The following SORCS2 variants were observed in gnomAD, a reference collection of about 807,000 sequenced individuals.
The protein encoded by SORCS2 is sortilin related VPS10 domain containing receptor 2, also known as VPS10 domain-containing receptor SorCS2.
SORCS2 carries 100 observed loss-of-function variants against 141.6 expected under a neutral mutation model. The observed-to-expected ratio is 0.71, with a 90% CI of 0.60 to 0.83. The LOEUF is 0.83. Among genes scored for constraint, SORCS2 ranks in the 40% least tolerant of loss-of-function variants. The pLI, the probability that SORCS2 is intolerant of heterozygous loss-of-function variation, is 0.00. For synonymous variants in SORCS2, 789 were observed against 676.9 expected (o/e 1.17, Z -2.57); for missense variants, 1,646 against 1,560.2 (o/e 1.05, Z -0.93).
chr4:7,387,821 GATACACATGCACATAC>G (rs1723534138), intron 1 of SORCS2, among the ~76,000 whole-genome samples: 1 of 106,840 alleles, frequency 9.4e-6, no homozygotes, highest in Non-Finnish European at 2.1e-5. Flanking sequence ...CAGATACAGA[GATACACATGCACATAC>G]ATACACATGC....
intron 1 of SORCS2, among the ~76,000 whole-genome samples, chr4:7,304,154 A>T (rs1233437653): frequency 1.3e-5 from 2 of 152,256 alleles, no homozygotes; most frequent in Non-Finnish European, 2.9e-5. Flanking sequence ...AGCAAAGAGC[A>T]AAAGACCAAA....
At chr4:7,521,874 G>A (rs891495968) in intron 2 of SORCS2, among the ~76,000 whole-genome samples, 19 of 152,224 alleles carry the variant, frequency 1.2e-4, no homozygotes, top group African/African-American at 4.1e-4. Context: ...ACTCAGCCTC[G>A]CAGCTGTTAG....
At chr4:7,209,368 G>A (rs1238794570) in intron 1 of SORCS2, among the ~76,000 whole-genome samples, 1 of 152,198 alleles carries the variant, frequency 6.6e-6, no homozygotes, top group Non-Finnish European at 1.5e-5. Flanking sequence ...GGATGGCCTG[G>A]CCCATTCTGG....
chr4:7,269,983 G>A (rs1165493091), intron 1 of SORCS2, among the ~76,000 whole-genome samples: 1 of 152,200 alleles, frequency 6.6e-6, no homozygotes, highest in Non-Finnish European at 1.5e-5. Flanking sequence ...GGGGTCAAGC[G>A]ATTTTCCTGC....
chr4:7,419,197 G>A lies in SORCS2; in HGVS notation c.548+22842G>A, dbSNP rs748530980. On this transcript the variant is annotated intron_variant, in intron 2 of 26. Transcript: ENST00000507866. ...CCATTTTTTTCAACAGAGGTATTTG[G>A]TTTGGAGAAGAGAAGGTATGAGGCT... is the stretch of plus-strand genomic sequence containing the variant. 8.4e-4 allele frequency among the ~76,000 whole-genome samples: 128 copies of A among 152,212 alleles called. 2 individuals are homozygous for A. Among genetic ancestry groups the A allele is most frequent in the Non-Finnish European group, 2.6e-4 (18 of 68,036 alleles).
intron 1 of SORCS2, among the ~76,000 whole-genome samples, chr4:7,199,443 G>A (rs898800495): frequency 2.6e-5 from 4 of 152,170 alleles, no homozygotes; most frequent in Non-Finnish European, 5.9e-5. Flanking sequence ...GAGCAGCAGA[G>A]ATCTCTGAGG....
intron 2 of SORCS2, chr4:7,433,460 T>G (rs1167850925): frequency 1.9e-6 from 3 of 1,564,344 alleles, no homozygotes; most frequent in Non-Finnish European, 2.6e-6. Context: ...AGCAGTGGGG[T>G]CCTGGGGCCG....
intron 25 of SORCS2, among the ~76,000 whole-genome samples, chr4:7,735,699 C>A (rs1256687658): frequency 1.3e-5 from 2 of 152,200 alleles, no homozygotes; most frequent in African/African-American, 4.8e-5. Flanking sequence ...ACAGGTCTAT[C>A]CAGGGGTTCC....
intron 24 of SORCS2, 124 bp from the exon 25 acceptor site, chr4:7,734,148 G>A (rs952670598): frequency 1.5e-6 from 1 of 660,420 alleles, no homozygotes; most frequent in Non-Finnish European, 2.6e-6. Context: ...GGACAGGCAG[G>A]GGACAAGCTG....
Position 7,733,381 on chromosome 4 carries a change from C to A in SORCS2, c.3168C>A (p.Gly1056=). Residue 1056 remains glycine, a synonymous_variant, in exon 24 of 27, where the codon GGC becomes GGA. Transcript: ENST00000507866. ...AGAAGATCAGCTTCCTCCTGCGAGG[C>A]GGAGTCCGGGTCCTGGTGGCCCTGC... ...NAQKISFLLR[G]GVRVLVALRD... The A allele has an allele frequency of 6.3e-7, 1 of 1,590,866 alleles. No individual in the cohort carries two copies. Among genetic ancestry groups the A allele is most frequent in the Non-Finnish European group, 8.6e-7 (1 of 1,169,410 alleles).
At chr4:7,687,343 CT>C (rs1723943610) in intron 10 of SORCS2, among the ~76,000 whole-genome samples, 1 of 152,174 alleles carries the variant, frequency 6.6e-6, no homozygotes. Flanking sequence ...TCTGCCTGAG[CT>C]ATCTGGGGTG....
At chr4:7,467,357 G>A (rs911592897) in intron 2 of SORCS2, among the ~76,000 whole-genome samples, 9 of 152,182 alleles carry the variant, frequency 5.9e-5, no homozygotes, top group African/African-American at 2.2e-4. Flanking sequence ...TTCTTCTTGG[G>A]GCCCTGGGAT....
intron 1 of SORCS2, among the ~76,000 whole-genome samples, chr4:7,195,171 GGTGTGTGTGT>G (rs59264911): frequency 7.7e-5 from 11 of 142,612 alleles, no homozygotes; most frequent in African/African-American, 1.3e-4. Context: ...ACTGCTGGCA[GGTGTGTGTGT>G]GTGTGTGTGT....
chr4:7,376,533 C>T (rs150152948), intron 1 of SORCS2, among the ~76,000 whole-genome samples: 2,513 of 152,212 alleles, frequency 0.017, 34 homozygotes, highest in Middle Eastern at 0.034. Flanking sequence ...GCCAAGATTG[C>T]GCCACTTTAC....
At chr4:7,245,920 C>T (rs1226492612) in intron 1 of SORCS2, among the ~76,000 whole-genome samples, 2 of 152,186 alleles carry the variant, frequency 1.3e-5, no homozygotes, top group Admixed American at 1.3e-4. Flanking sequence ...GGCTCAAGTG[C>T]TAAGAGTAAA....
At chr4:7,455,326 T>C (rs1728822496) in intron 2 of SORCS2, among the ~76,000 whole-genome samples, 1 of 70,566 alleles carries the variant, frequency 1.4e-5, no homozygotes, top group Non-Finnish European at 2.7e-5. Flanking sequence ...AGGCTCTGTG[T>C]TGGGGTCAGG....
At chr4:7,605,542 G>C (rs572199937) in intron 3 of SORCS2, among the ~76,000 whole-genome samples, 1 of 152,112 alleles carries the variant, frequency 6.6e-6, no homozygotes, top group African/African-American at 2.4e-5. Context: ...CTGTTTTCTT[G>C]CAAGCTTAAC....
chr4:7,715,363 G>A (rs1217667774), intron 17 of SORCS2, 52 bp downstream of exon 17: 1 of 1,597,838 alleles, frequency 6.3e-7, no homozygotes, highest in Non-Finnish European at 8.6e-7. Flanking sequence ...CAGAGCTGTG[G>A]TGCAGCCCCG....
intron 3 of SORCS2, among the ~76,000 whole-genome samples, chr4:7,540,936 C>A (rs977148207): frequency 6.6e-6 from 1 of 152,222 alleles, no homozygotes; most frequent in African/African-American, 2.4e-5. Flanking sequence ...AGCGCCCCAC[C>A]CACGAGGCTG....
Sources: gnomAD v4.1 joint callset for allele counts (sites outside exome capture counted in the v4.1 genomes callset) on GRCh38, gnomAD v4.1.1 for gene constraint, MANE v1.5 for transcripts, NCBI Gene and HGNC (gene_info 2026-07-23, HGNC 2026-07-21) for gene names.